Variants in ZDHHC11 observed in about 807,000 individuals in gnomAD.
ZDHHC11 encodes the protein palmitoyltransferase ZDHHC11.
ZDHHC11 carries 44 observed loss-of-function variants against 51.3 expected under a neutral mutation model. The ratio of observed to expected loss-of-function variants is 0.86; its 90% CI spans 0.67 to 1.10. The LOEUF (loss-of-function observed/expected upper bound fraction) is 1.10. Ranked by LOEUF, ZDHHC11 falls within the 50% of genes least tolerant of loss-of-function variation. ZDHHC11 has a pLI of 0.00. For missense variants in ZDHHC11, 400 were observed against 537.7 expected, an observed-to-expected ratio of 0.74 and a Z score of 2.53; for synonymous variants, 163 against 222.0, an observed-to-expected ratio of 0.73 and a Z score of 2.36.
At chr5:847,071 G>A (rs1443770080) in intron 3 of ZDHHC11, among the ~76,000 whole-genome samples, 31 of 140,314 alleles carry the variant, frequency 2.2e-4, no homozygotes, top group African/African-American at 6.8e-4. Flanking sequence ...AGCCTCCACC[G>A]TGCTCAGGGA....
At chr5:849,958 G>T (rs369613260) in intron 1 of ZDHHC11, among the ~76,000 whole-genome samples, 1 of 152,100 alleles carries the variant, frequency 6.6e-6, no homozygotes, top group African/African-American at 2.4e-5. Flanking sequence ...AGAGGCCCTC[G>T]CAGTGTGGCC....
At chr5:829,105 G>A (rs1311959138) in intron 7 of ZDHHC11, among the ~76,000 whole-genome samples, 4 of 135,132 alleles carry the variant, frequency 3.0e-5, no homozygotes, top group Non-Finnish European at 4.8e-5. Context: ...AAACAAGAAC[G>A]AATCAAACCC....
Position 796,260 on chromosome 5 carries a change from G to C in ZDHHC11, c.*328C>G, listed in dbSNP as rs1306071475. 6.5e-6 allele frequency: 1 copy of C among 154,598 alleles called. No homozygotes were observed. The highest frequency in any genetic ancestry group is 1.5e-5 in the Non-Finnish European group (1 of 68,096). 9.6% of individuals were successfully genotyped at this position (154,598 alleles called of 1,614,324 possible). A position where few individuals can be genotyped will look rare whatever the true frequency, so the allele number is the denominator to read the frequency against. ...GCAGCAAGAGGCCCTGCAGCTGGCT[G>C]GCTGGCTGGACAGCACAGTTAAGCA... On this transcript the variant is annotated 3_prime_UTR_variant, in exon 13 of 13. Coordinates refer to ENST00000283441, the MANE Select transcript of ZDHHC11 (RefSeq NM_024786.3).
At chr5:823,054 G>A (rs1725703255) in intron 8 of ZDHHC11, among the ~76,000 whole-genome samples, 2 of 149,922 alleles carry the variant, frequency 1.3e-5, no homozygotes, top group African/African-American at 2.5e-5. Flanking sequence ...CATATGACTT[G>A]TAAATATTTT....
intron 6 of ZDHHC11, among the ~76,000 whole-genome samples, chr5:836,997 C>T (rs1201237826): frequency 6.6e-6 from 1 of 151,412 alleles, no homozygotes; most frequent in Non-Finnish European, 1.5e-5. Context: ...GTGGAGGCTA[C>T]AATGAGCTGA....
At position 850,639 on chromosome 5, in the gene ZDHHC11, A is replaced by G; in HGVS notation, c.-37T>C. On this transcript the variant is annotated 5_prime_UTR_variant, in exon 1 of 13. Transcript: ENST00000283441. ...AGAAGGGGAGGACCTGCGCCGTCAG[A>G]TCCTGGGAGGGCCGGCCCCGCCCAC... 2.5e-6 allele frequency: 4 copies of G among 1,601,090 alleles called. No individual in the cohort carries two copies. The South Asian group carries it at 3.3e-5, about 13-fold the overall frequency.
chr5:836,994 CT>C (rs1266025699), intron 6 of ZDHHC11, among the ~76,000 whole-genome samples: 1 of 151,318 alleles, frequency 6.6e-6, no homozygotes, highest in South Asian at 2.1e-4. Context: ...GAGGTGGAGG[CT>C]ACAATGAGCT....
intron 8 of ZDHHC11, among the ~76,000 whole-genome samples, chr5:822,839 C>T (rs1481341809): frequency 6.6e-6 from 1 of 151,826 alleles, no homozygotes; most frequent in Non-Finnish European, 1.5e-5. Flanking sequence ...CTTGCAGCTA[C>T]TCTAATGGGG....
chr5:840,752 GGAC>G (rs1363941010), intron 4 of ZDHHC11, 102 bp from the exon 5 acceptor site: 36 of 1,576,852 alleles, frequency 2.3e-5, no homozygotes, highest in Non-Finnish European at 3.0e-5. Flanking sequence ...GGCGGTGTGG[GGAC>G]AGCCAGTGCG....
chr5:809,564 CG>C (rs1427009795), intron 11 of ZDHHC11, among the ~76,000 whole-genome samples: 58 of 145,860 alleles, frequency 4.0e-4, no homozygotes, highest in African/African-American at 1.4e-3. Flanking sequence ...GATCTGCCGG[CG>C]CCTTGAGCTG....
upstream of ZDHHC11, among the ~76,000 whole-genome samples, chr5:860,400 G>T (rs1011630073): frequency 6.6e-6 from 1 of 152,144 alleles, no homozygotes; most frequent in Non-Finnish European, 1.5e-5. The surrounding 1 kb of genome is among the most constrained non-coding windows in gnomAD (Gnocchi z 4.2). Context: ...ACCAATGTCT[G>T]CAGTTAACGT....
intron 7 of ZDHHC11, among the ~76,000 whole-genome samples, chr5:827,741 C>G (rs1742475542): frequency 6.7e-6 from 1 of 149,454 alleles, no homozygotes; most frequent in African/African-American, 2.5e-5. Flanking sequence ...TTTTTTTATT[C>G]TTTATTTTTT....
At chr5:821,328 G>A (rs1741535138) in intron 9 of ZDHHC11, 2 of 152,052 alleles carry the variant, frequency 1.3e-5, no homozygotes, top group Non-Finnish European at 2.9e-5. Context: ...TCCTCCCAGA[G>A]CCTAAGAAGC....
chr5:798,252 A>C (rs1286167075), intron 12 of ZDHHC11, among the ~76,000 whole-genome samples: 24 of 151,334 alleles, frequency 1.6e-4, no homozygotes, highest in South Asian at 4.2e-4. Context: ...CAGGTTTCAC[A>C]AATGCCCTCA....
chr5:817,691 CTGTG>C (rs568344858), intron 10 of ZDHHC11, among the ~76,000 whole-genome samples: 1 of 151,106 alleles, frequency 6.6e-6, no homozygotes, highest in African/African-American at 2.4e-5. Context: ...TGGGACTGAG[CTGTG>C]TGTGTGTGTT....
chr5:825,102 G>C, intron 8 of ZDHHC11, 62 bp downstream of exon 8: 1 of 1,530,586 alleles, frequency 6.5e-7, no homozygotes, highest in East Asian at 2.2e-5. Context: ...TGGGGGACCC[G>C]AGACCACATA....
intron 9 of ZDHHC11, among the ~76,000 whole-genome samples, chr5:820,889 C>T (rs1413439847): frequency 1.3e-5 from 2 of 151,248 alleles, no homozygotes; most frequent in Non-Finnish European, 3.0e-5. Flanking sequence ...AGATGATGCA[C>T]CTCCAGGACA....
intron 8 of ZDHHC11, among the ~76,000 whole-genome samples, chr5:823,121 T>C (rs900314847): frequency 6.6e-6 from 1 of 151,206 alleles, no homozygotes; most frequent in Non-Finnish European, 1.5e-5. Flanking sequence ...GAAGAAATAA[T>C]TTTAAATGCT....
intron 9 of ZDHHC11, among the ~76,000 whole-genome samples, chr5:820,183 CAG>C (rs1394527997): frequency 6.6e-6 from 1 of 151,492 alleles, no homozygotes; most frequent in African/African-American, 2.4e-5. Flanking sequence ...AAATGCATCA[CAG>C]AGAAAGCATT....
Sources: allele counts gnomAD v4.1 joint callset (sites outside exome capture counted in the v4.1 genomes callset), GRCh38; gene constraint gnomAD v4.1.1; non-coding constraint Gnocchi (gnomAD v3.1); transcripts MANE v1.5; gene names NCBI Gene and HGNC (gene_info 2026-07-23, HGNC 2026-07-21).